Variants in DOCK8 observed in about 807,000 individuals in gnomAD.
The protein encoded by DOCK8 is dedicator of cytokinesis 8.
In DOCK8, 141 loss-of-function variants were observed where a neutral mutation model predicts 245.6. The observed-to-expected ratio is 0.57, with a 90% CI of 0.50 to 0.66. The LOEUF (loss-of-function observed/expected upper bound fraction) is 0.66. Among genes scored for constraint, DOCK8 ranks in the 30% least tolerant of loss-of-function variants. DOCK8 has a pLI of 0.00. For missense variants in DOCK8, 2,965 were observed against 2,603.4 expected, an observed-to-expected ratio of 1.14 and a Z score of -3.02; for synonymous variants, 1,168 against 970.2, an observed-to-expected ratio of 1.20 and a Z score of -3.79.
rs551692698 is a variant in DOCK8, at chr9:239,976, T to C, written c.53+24947T>C. Among the ~76,000 whole-genome samples, 143 of 152,314 alleles carry C rather than the reference T, an allele frequency of 9.4e-4. 2 individuals are homozygous for C. The South Asian group carries it at 0.029, about 31-fold the overall frequency. Reference sequence around the variant, plus strand: ...TTCCAGTTATTCACATTAGAAACAGTACACCACTGAATAAATTTATGCATT... The same window carrying C: ...TTCCAGTTATTCACATTAGAAACAGCACACCACTGAATAAATTTATGCATT... On this transcript the variant is annotated intron_variant, in intron 1 of 47. Transcript: ENST00000432829.
At chr9:416,401 C>T (rs1175440412) in intron 29 of DOCK8, among the ~76,000 whole-genome samples, 2 of 152,116 alleles carry the variant, frequency 1.3e-5, no homozygotes, top group African/African-American at 2.4e-5. Context: ...ACACATTATC[C>T]GAAGTTTTCT....
At chr9:309,894 C>G (rs1364614143) in intron 5 of DOCK8, among the ~76,000 whole-genome samples, 1 of 152,140 alleles carries the variant, frequency 6.6e-6, no homozygotes, top group Non-Finnish European at 1.5e-5. Flanking sequence ...GTGCAGTCTC[C>G]TATCTATTTA....
chr9:367,031 G>C (rs976737232), intron 14 of DOCK8, among the ~76,000 whole-genome samples: 1 of 152,180 alleles, frequency 6.6e-6, no homozygotes, highest in African/African-American at 2.4e-5. Flanking sequence ...GATATGGGGT[G>C]TATTACCTAA....
At chr9:444,933 A>G (rs1423102299) in intron 43 of DOCK8, among the ~76,000 whole-genome samples, 1 of 152,250 alleles carries the variant, frequency 6.6e-6, no homozygotes, top group Non-Finnish European at 1.5e-5. Context: ...ACAGAGGACC[A>G]TTCACCATCT....
At position 464,141 on chromosome 9, in the gene DOCK8, C is replaced by T; in HGVS notation, c.6240-18C>T. On this transcript the variant is annotated intron_variant, in intron 47 of 47. Coordinates refer to ENST00000432829, the MANE Select transcript of DOCK8 (RefSeq NM_203447.4). ...TACGCTCTCTTTCCCTCTCCTCCCT[C>T]TCTTTTCTTAATTTCAGGGACTCCT... 1 of 1,606,932 alleles carries T rather than the reference C, an allele frequency of 6.2e-7. No individual in the cohort carries two copies. Among genetic ancestry groups the T allele is most frequent in the Admixed American group, 1.7e-5 (1 of 60,012 alleles).
chr9:401,014 CATG>C (rs1294411547), intron 26 of DOCK8, among the ~76,000 whole-genome samples: 9 of 146,514 alleles, frequency 6.1e-5, no homozygotes, highest in Non-Finnish European at 9.0e-5. Context: ...TTAGCTCCAC[CATG>C]ACCACCTCCT....
At chr9:355,307 G>A (rs1238809403) in intron 14 of DOCK8, among the ~76,000 whole-genome samples, 2 of 148,118 alleles carry the variant, frequency 1.4e-5, no homozygotes, top group South Asian at 2.1e-4. Flanking sequence ...TGGTACAAGC[G>A]ATTCCCCTGC....
chr9:280,664 C>T (rs2048539867), intron 2 of DOCK8: 1 of 152,190 alleles, frequency 6.6e-6, no homozygotes, highest in Non-Finnish European at 1.5e-5. Context: ...CTTAAAGTCA[C>T]CTGTTTAGGG....
At chr9:266,894 T>C (rs976168236) in intron 1 of DOCK8, among the ~76,000 whole-genome samples, 3 of 142,766 alleles carry the variant, frequency 2.1e-5, no homozygotes, top group Non-Finnish European at 4.4e-5. Context: ...ATGAAACTTA[T>C]CTTGGACATG....
intron 7 of DOCK8, among the ~76,000 whole-genome samples, chr9:322,886 A>C (rs746312680): frequency 8.5e-5 from 13 of 152,104 alleles, no homozygotes; most frequent in Non-Finnish European, 1.8e-4. Context: ...TGAGCTCAGG[A>C]GTTTGAGACC....
rs776829930 is a variant in DOCK8, at chr9:406,917, T to TA, written c.3391-12dup. 7 of 1,614,022 alleles carry TA rather than the reference T, an allele frequency of 4.3e-6. No individual in the cohort carries two copies. The highest frequency in any genetic ancestry group is 2.2e-5 in the East Asian group (1 of 44,876). The stretch of plus-strand genomic sequence containing the variant: ...TCTTGTGGCTCATAAAATGGCTCCT[T>TA]ACGTTTCTGTAGAACTCAAGCTCCT... On this transcript the variant is annotated splice_polypyrimidine_tract_variant and intron_variant, in intron 27 of 47. Transcript: ENST00000432829.
chr9:344,774 G>A (rs889763157), intron 14 of DOCK8, among the ~76,000 whole-genome samples: 1 of 152,174 alleles, frequency 6.6e-6, no homozygotes, highest in African/African-American at 2.4e-5. Flanking sequence ...TGGGCCAGGT[G>A]TGGTGGCTCA....
chr9:275,451 T>G (rs1313708829), intron 2 of DOCK8, among the ~76,000 whole-genome samples: 1 of 152,126 alleles, frequency 6.6e-6, no homozygotes, highest in African/African-American at 2.4e-5. Context: ...TGACTGGACA[T>G]TAAAATTATC....
At chr9:409,302 G>A (rs190851055) in intron 28 of DOCK8, among the ~76,000 whole-genome samples, 173 of 152,242 alleles carry the variant, frequency 1.1e-3, no homozygotes, top group African/African-American at 3.9e-3. Flanking sequence ...AATCCACAGT[G>A]TTTTTCAAGC....
chr9:371,283 C>T (rs2053274153), intron 16 of DOCK8, 145 bp from the exon 17 acceptor site: 1 of 882,818 alleles, frequency 1.1e-6, no homozygotes, highest in Non-Finnish European at 1.8e-6. Context: ...GTCTCAGGGA[C>T]TTCCAGCTTC....
chr9:457,092 C>A (rs1394233886), intron 46 of DOCK8: 1 of 152,176 alleles, frequency 6.6e-6, no homozygotes, highest in Admixed American at 6.5e-5. Flanking sequence ...AGCCAAAGGA[C>A]AACCAAATGT....
intron 27 of DOCK8, 95 bp downstream of exon 27, chr9:405,168 T>C (rs956555921): frequency 1.1e-5 from 14 of 1,305,812 alleles, no homozygotes; most frequent in African/African-American, 3.0e-5. Context: ...GTTAGTCTTA[T>C]TAATTTGACA....
intron 1 of DOCK8, among the ~76,000 whole-genome samples, chr9:216,433 G>C (rs2046753740): frequency 1.3e-5 from 2 of 149,828 alleles, no homozygotes; most frequent in Admixed American, 6.7e-5. Flanking sequence ...CTATTCAAGA[G>C]GCTGAGACAA....
upstream of DOCK8, chr9:214,755 T>A: frequency 6.5e-7 from 1 of 1,530,398 alleles, no homozygotes; most frequent in South Asian, 1.2e-5. Context: ...CGCCGCTGCC[T>A]GCGCGCCAGG....
Sources: gnomAD v4.1 joint callset for allele counts (sites outside exome capture counted in the v4.1 genomes callset) on GRCh38, gnomAD v4.1.1 for gene constraint, MANE v1.5 for transcripts, NCBI Gene and HGNC (gene_info 2026-07-23, HGNC 2026-07-21) for gene names.